Variants in KAZN observed in about 807,000 individuals in gnomAD.
The protein encoded by KAZN is kazrin, periplakin interacting protein, also known as kazrin.
In KAZN, 40 loss-of-function variants were observed where a neutral mutation model predicts 87.4. That is an observed-to-expected ratio of 0.46 (90% CI 0.36 to 0.60). The LOEUF (loss-of-function observed/expected upper bound fraction) is 0.60. KAZN is among the 20% of genes least tolerant of loss of function. KAZN has a pLI of 0.00. For synonymous variants in KAZN, 466 were observed against 458.3 expected (o/e 1.02, Z -0.22); for missense variants, 898 against 1,073.9 (o/e 0.84, Z 2.29).
At chr1:14,951,348 C>T (rs555129203) in intron 1 of KAZN, among the ~76,000 whole-genome samples, 62 of 152,068 alleles carry the variant, frequency 4.1e-4, no homozygotes, top group African/African-American at 1.2e-3. Context: ...TTGTTGAATA[C>T]GTTAATAACA....
chr1:14,428,611 G>C (rs1665873681), intron 2 of KAZN, among the ~76,000 whole-genome samples: 1 of 152,134 alleles, frequency 6.6e-6, no homozygotes, highest in Non-Finnish European at 1.5e-5. Context: ...AAAGAAAAGA[G>C]GTTTAATTGA....
chr1:14,492,088 T>C (rs767677883), intron 2 of KAZN, among the ~76,000 whole-genome samples: 3 of 152,184 alleles, frequency 2.0e-5, no homozygotes, highest in South Asian at 2.1e-4. Context: ...CAGTCTGAAC[T>C]GGCCACTGCT....
chr1:14,801,839 A>G (rs12142087), intron 1 of KAZN, among the ~76,000 whole-genome samples: 9,302 of 147,360 alleles, frequency 0.063, 413 homozygotes, highest in Admixed American at 0.13. Flanking sequence ...ACCCGCCATC[A>G]CGCCCAGCTA....
intron 1 of KAZN, among the ~76,000 whole-genome samples, chr1:14,621,992 G>A (rs79679160): frequency 6.6e-6 from 1 of 152,192 alleles, no homozygotes; most frequent in African/African-American, 2.4e-5. Flanking sequence ...TAAAGTATAA[G>A]AGCCCTGGGA....
At chr1:14,427,595 A>G (rs1665809013) in intron 2 of KAZN, among the ~76,000 whole-genome samples, 1 of 131,824 alleles carries the variant, frequency 7.6e-6, no homozygotes, top group Non-Finnish European at 1.6e-5. Context: ...ATGTGTATAC[A>G]TGTATACTGT....
intron 2 of KAZN, among the ~76,000 whole-genome samples, chr1:14,283,339 C>T (rs1210396687): frequency 6.6e-6 from 1 of 152,106 alleles, no homozygotes; most frequent in African/African-American, 2.4e-5. Flanking sequence ...GGAAAACCCC[C>T]ATTTTCTAGG....
chr1:14,512,603 A>G (rs1336277821), intron 2 of KAZN, among the ~76,000 whole-genome samples: 1 of 151,396 alleles, frequency 6.6e-6, no homozygotes, highest in Non-Finnish European at 1.5e-5. Flanking sequence ...CTAATTTCAC[A>G]GGCAGGAAAA....
chr1:14,451,201 G>A (rs1667256589), intron 2 of KAZN, among the ~76,000 whole-genome samples: 1 of 152,066 alleles, frequency 6.6e-6, no homozygotes, highest in African/African-American at 2.4e-5. Context: ...TTATAGTAAT[G>A]CAAGAATGGC....
rs12143595 is a variant in KAZN at position 14,917,869 on chromosome 1, C to T, written c.227-42815C>T. Among the ~76,000 whole-genome samples the T allele has an allele frequency of 1.1e-3, 160 of 147,476 alleles. 1 individual carries two copies. The highest frequency in any genetic ancestry group is 7.2e-3 in the Middle Eastern group (2 of 278). ...TTCTTTCTTCCTTCCTTCCTTCCTT[C>T]CTTTCTTTCTTTCTTTCTTTCTTTT... On this transcript the variant is annotated intron_variant, in intron 1 of 14. Coordinates refer to ENST00000376030, the MANE Select transcript of KAZN (RefSeq NM_201628.3).
chr1:14,263,572 C>G (rs1270306816), intron 2 of KAZN, among the ~76,000 whole-genome samples: 2 of 151,954 alleles, frequency 1.3e-5, no homozygotes, highest in Non-Finnish European at 2.9e-5. Flanking sequence ...AGACAAAACT[C>G]TGGTTTGGTT....
intron 1 of KAZN, among the ~76,000 whole-genome samples, chr1:14,093,849 G>A (rs1459016916): frequency 6.6e-6 from 1 of 152,042 alleles, no homozygotes; most frequent in Non-Finnish European, 1.5e-5. Context: ...AAATGCGATT[G>A]GACAAAAAGA....
At chr1:14,310,298 A>G (rs77183168) in intron 2 of KAZN, among the ~76,000 whole-genome samples, 10,792 of 152,246 alleles carry the variant, frequency 0.071, 537 homozygotes, top group Non-Finnish European at 0.11. Flanking sequence ...CAGAATGGAA[A>G]GTGCCAGACC....
intron 1 of KAZN, chr1:14,692,320 C>T: frequency 2.1e-6 from 1 of 469,026 alleles, no homozygotes. Context: ...TAATTTTCAC[C>T]ATCTTCGGCT....
Sources: allele counts gnomAD v4.1 joint callset (sites outside exome capture counted in the v4.1 genomes callset), GRCh38; gene constraint gnomAD v4.1.1; transcripts MANE v1.5; gene names NCBI Gene and HGNC (gene_info 2026-07-23, HGNC 2026-07-21).